Variants in STPG2 observed in about 807,000 individuals in gnomAD.
The protein encoded by STPG2 is sperm tail PG-rich repeat containing 2.
Under a neutral mutation model 54.2 loss-of-function variants are expected in STPG2, and 56 were observed. The observed-to-expected ratio is 1.03, with a 90% CI of 0.83 to 1.29. The LOEUF (loss-of-function observed/expected upper bound fraction) is 1.29, where lower values mean the gene tolerates loss of function less well. Ranked by LOEUF, STPG2 falls within the 50% of genes most tolerant of loss-of-function variation. STPG2 has a pLI of 0.00. For synonymous variants in STPG2, 200 were observed against 181.8 expected, an observed-to-expected ratio of 1.10 and a Z score of -0.81; for missense variants, 596 against 544.9, an observed-to-expected ratio of 1.09 and a Z score of -0.93.
chr4:97,969,343 T>G (rs1734236529), intron 7 of STPG2, among the ~76,000 whole-genome samples: 1 of 152,192 alleles, frequency 6.6e-6, no homozygotes, highest in South Asian at 2.1e-4. Flanking sequence ...AGATGTTATG[T>G]CAAAGAATTA....
intron 5 of STPG2, among the ~76,000 whole-genome samples, chr4:98,088,571 A>T (rs1391845419): frequency 6.6e-6 from 1 of 151,896 alleles, no homozygotes; most frequent in Non-Finnish European, 1.5e-5. Flanking sequence ...TTAAAATCAT[A>T]AACCTAGATC....
intron 9 of STPG2, among the ~76,000 whole-genome samples, chr4:97,721,719 AG>A (rs1724454503): frequency 1.3e-5 from 2 of 152,154 alleles, no homozygotes; most frequent in African/African-American, 4.8e-5. Flanking sequence ...ACAGCTCAGA[AG>A]TAAAGAATTT....
At chr4:97,521,121 A>G (rs1446360754) in intron 4 of STPG2, among the ~76,000 whole-genome samples, 1 of 152,092 alleles carries the variant, frequency 6.6e-6, no homozygotes, top group Non-Finnish European at 1.5e-5. Context: ...ATTAAACAGT[A>G]TATTGCAAAG....
At chr4:97,499,758 G>A (rs896787364) in intron 4 of STPG2, among the ~76,000 whole-genome samples, 1 of 151,956 alleles carries the variant, frequency 6.6e-6, no homozygotes, top group Non-Finnish European at 1.5e-5. Context: ...AATGAACCAT[G>A]TAGATAGGTG....
chr4:97,836,270 T>C (rs1021925240), intron 9 of STPG2, among the ~76,000 whole-genome samples: 7 of 151,874 alleles, frequency 4.6e-5, no homozygotes, highest in Non-Finnish European at 8.8e-5. Flanking sequence ...CCCCAACCTT[T>C]AGTAACCAAA....
At chr4:98,015,592 A>G (rs993679633) in intron 5 of STPG2, among the ~76,000 whole-genome samples, 4 of 151,936 alleles carry the variant, frequency 2.6e-5, no homozygotes, top group Admixed American at 6.6e-5. Flanking sequence ...AAATAGGAAC[A>G]TTTTACACTG....
chr4:97,710,512 G>A (rs1257288281), intron 10 of STPG2, among the ~76,000 whole-genome samples: 5 of 152,004 alleles, frequency 3.3e-5, no homozygotes, highest in Non-Finnish European at 2.9e-5. Context: ...CTATCTCAAT[G>A]GCAGATCATA....
intron 9 of STPG2, among the ~76,000 whole-genome samples, chr4:97,789,655 A>C (rs1224927437): frequency 1.3e-5 from 2 of 152,222 alleles, no homozygotes; most frequent in Non-Finnish European, 2.9e-5. Flanking sequence ...TTATATAAAA[A>C]CTAAAATTAA....
intron 9 of STPG2, among the ~76,000 whole-genome samples, chr4:97,802,329 G>A (rs185589481): frequency 1.3e-5 from 2 of 152,198 alleles, no homozygotes; most frequent in Non-Finnish European, 2.9e-5. Flanking sequence ...ATTCTCCCAT[G>A]AGTCTCAAAG....
At chr4:97,951,248 T>C (rs1038297221) in intron 7 of STPG2, among the ~76,000 whole-genome samples, 1 of 152,108 alleles carries the variant, frequency 6.6e-6, no homozygotes. Context: ...AAAACTCTGG[T>C]CTCTCATACA....
chr4:97,952,904 A>G (rs921110127), intron 7 of STPG2, among the ~76,000 whole-genome samples: 1 of 152,096 alleles, frequency 6.6e-6, no homozygotes, highest in African/African-American at 2.4e-5. Flanking sequence ...AGATACTGTA[A>G]TGCATTGTGT....
intron 8 of STPG2, among the ~76,000 whole-genome samples, chr4:97,939,129 T>TTTTATAGTC (rs1732876837): frequency 6.6e-6 from 1 of 152,316 alleles, no homozygotes; most frequent in South Asian, 2.1e-4. Context: ...TGAGTGATTT[T>TTTTATAGTC]TTTATAGTCT....
At chr4:97,519,121 AAAT>A (rs1158780434) in intron 4 of STPG2, among the ~76,000 whole-genome samples, 3 of 152,172 alleles carry the variant, frequency 2.0e-5, no homozygotes, top group Non-Finnish European at 4.4e-5. Flanking sequence ...GAATAATTTA[AAAT>A]AATAATAATT....
At chr4:97,555,575 A>G (rs1732060241), downstream of STPG2, among the ~76,000 whole-genome samples, 1 of 152,164 alleles carries the variant, frequency 6.6e-6, no homozygotes, top group Admixed American at 6.6e-5. Flanking sequence ...TAATAACTTA[A>G]TGCTAATTTT....
Position 97,981,203 on chromosome 4 carries a change from C to G in STPG2, c.728G>C (p.Ser243Thr). The change falls in exon 6 of 11, where the codon AGT (serine) becomes ACT (threonine). Residue 243 changes from serine (S) to threonine (T), a missense_variant. Physicochemically the swap from Ser to Thr is moderately conservative, Grantham distance 58. Transcript: ENST00000295268. ...GATGTCCTGTGTGAATCGAACAGCA[C>G]TTTGACCAAATGGAATATTTTTCAG... ...SGLKNIPFGQ[S>T]AVRFTQDIRT... 1 of 1,614,012 alleles carries G rather than the reference C, an allele frequency of 6.2e-7. No homozygotes were observed. The highest frequency in any genetic ancestry group is 8.5e-7 in the Non-Finnish European group (1 of 1,179,948).
chr4:98,056,927 C>T lies in STPG2; in HGVS notation c.612+49026G>A, dbSNP rs972581152. 3.9e-5 allele frequency among the ~76,000 whole-genome samples: 5 copies of T among 126,674 alleles called. No homozygotes were observed. The East Asian group carries it at 6.4e-4, about 16-fold the overall frequency. The allele number at this position is 126,674 out of a possible 152,430, so 83.1% of individuals were successfully genotyped here. A position where few individuals can be genotyped will look rare whatever the true frequency, so the allele number is the denominator to read the frequency against. On this transcript the variant is annotated intron_variant, in intron 5 of 10. Coordinates refer to ENST00000295268, the MANE Select transcript of STPG2 (RefSeq NM_174952.3). The stretch of plus-strand genomic sequence containing the variant: ...CACTTCTATCATGATTGTAAGTTTC[C>T]GGAGGCCCCCCCAACCATGTGTCCT...
intron 8 of STPG2, among the ~76,000 whole-genome samples, chr4:97,863,991 A>G (rs1254519759): frequency 6.6e-6 from 1 of 152,216 alleles, no homozygotes; most frequent in East Asian, 1.9e-4. Context: ...AGCCCATATT[A>G]TACTCCATGG....
chr4:97,579,864 G>A (rs1732820314), intron 10 of STPG2, among the ~76,000 whole-genome samples: 1 of 151,904 alleles, frequency 6.6e-6, no homozygotes, highest in African/African-American at 2.4e-5. Context: ...ATCTTTTATT[G>A]AAACCACTAA....
chr4:97,943,509 A>G (rs1459129952), intron 8 of STPG2, among the ~76,000 whole-genome samples: 3 of 150,116 alleles, frequency 2.0e-5, no homozygotes, highest in Non-Finnish European at 4.4e-5. Context: ...AGGAGTAAAA[A>G]TAAATCACTC....
Sources: gnomAD v4.1 joint callset for allele counts (sites outside exome capture counted in the v4.1 genomes callset) on GRCh38, gnomAD v4.1.1 for gene constraint, MANE v1.5 for transcripts, NCBI Gene and HGNC (gene_info 2026-07-23, HGNC 2026-07-21) for gene names.